Variants in CDH17 observed in about 807,000 individuals in gnomAD.
CDH17 encodes the protein cadherin 17.
A neutral mutation model predicts 86.3 loss-of-function variants in CDH17; 67 were observed. The ratio of observed to expected loss-of-function variants is 0.78; its 90% CI spans 0.64 to 0.95. The LOEUF is 0.95. Among genes scored for constraint, CDH17 ranks in the 40% least tolerant of loss-of-function variants. CDH17 has a pLI of 0.00. For missense variants in CDH17, 993 were observed against 1,017.6 expected (o/e 0.98, Z 0.33); for synonymous variants, 367 against 366.4 (o/e 1.00, Z -0.02).
intron 2 of CDH17, among the ~76,000 whole-genome samples, chr8:94,191,694 T>G (rs1266147510): frequency 2.0e-5 from 3 of 152,112 alleles, no homozygotes; most frequent in South Asian, 4.1e-4. Flanking sequence ...CCTCAGGTGA[T>G]CCACCCGCCT....
chr8:94,174,535 C>A (rs1031175847), intron 5 of CDH17, among the ~76,000 whole-genome samples: 3 of 152,046 alleles, frequency 2.0e-5, no homozygotes, highest in Admixed American at 6.5e-5. Context: ...ATTTAAAGTA[C>A]AAGATAATTT....
intron 1 of CDH17, among the ~76,000 whole-genome samples, chr8:94,215,824 C>T (rs1047375727): frequency 2.7e-5 from 4 of 150,296 alleles, no homozygotes; most frequent in South Asian, 2.1e-4. Context: ...AAATGTCTTA[C>T]GGTTTCCAAA....
At chr8:94,173,526 A>G (rs1250141832) in intron 7 of CDH17, among the ~76,000 whole-genome samples, 1 of 152,200 alleles carries the variant, frequency 6.6e-6, no homozygotes, top group Non-Finnish European at 1.5e-5. Flanking sequence ...ACGATGCACC[A>G]ATTAAACTTT....
intron 15 of CDH17, among the ~76,000 whole-genome samples, chr8:94,139,892 TAA>T (rs1160825593): frequency 1.4e-3 from 150 of 109,986 alleles, no homozygotes; most frequent in Non-Finnish European, 2.2e-3. Flanking sequence ...CTCCAAAAAA[TAA>T]AAAATAAATA....
intron 11 of CDH17, among the ~76,000 whole-genome samples, chr8:94,161,706 T>G (rs1296669917): frequency 1.3e-5 from 2 of 152,220 alleles, no homozygotes; most frequent in African/African-American, 4.8e-5. Context: ...TATTAAATTT[T>G]TGGCTAAAAA....
intron 14 of CDH17, among the ~76,000 whole-genome samples, chr8:94,147,400 C>A (rs1422041999): frequency 6.6e-6 from 1 of 152,178 alleles, no homozygotes; most frequent in African/African-American, 2.4e-5. Flanking sequence ...TTTTCTTAAT[C>A]TTTCCACATG....
At position 94,165,527 on chromosome 8, in the gene CDH17, T is replaced by C. The variant is rs111745810; in HGVS notation, c.1282+234A>G. Among the ~76,000 whole-genome samples the C allele has an allele frequency of 9.5e-3, 1,447 of 152,270 alleles. 10 individuals carry two copies. The highest frequency in any genetic ancestry group is 0.024 in the Middle Eastern group (7 of 294). On this transcript the variant is annotated intron_variant, in intron 10 of 17. Transcript: ENST00000027335. ...AAAATCCTCGTACATTTAATCTCCT[T>C]TTGGCATCTGCTTCCCATAGGACCC...
At chr8:94,215,870 T>G (rs1209716367) in intron 1 of CDH17, among the ~76,000 whole-genome samples, 1 of 152,000 alleles carries the variant, frequency 6.6e-6, no homozygotes, top group African/African-American at 2.4e-5. Context: ...GAGGTTTTTT[T>G]TTTTTTTTTA....
intron 1 of CDH17, among the ~76,000 whole-genome samples, chr8:94,197,794 G>A (rs1813814659): frequency 7.0e-6 from 1 of 143,832 alleles, no homozygotes; most frequent in Non-Finnish European, 1.5e-5. Flanking sequence ...CTGGGCCATT[G>A]TACTCCAGCC....
intron 2 of CDH17, among the ~76,000 whole-genome samples, chr8:94,193,596 T>A (rs1813726422): frequency 6.6e-6 from 1 of 152,158 alleles, no homozygotes; most frequent in South Asian, 2.1e-4. Flanking sequence ...TGAATCCATG[T>A]CTGAATTTGT....
At position 94,173,554 on chromosome 8, in the gene CDH17, C is replaced by A. The variant is rs774203690; in HGVS notation, c.783+243G>T. On this transcript the variant is annotated intron_variant, in intron 7 of 17. Coordinates refer to ENST00000027335, the MANE Select transcript of CDH17 (RefSeq NM_004063.4). ...TAAACTTTTCTTTACAAATTCCCCA[C>A]CTCAGGTATTTCTTTATAGCAATAC... 5.3e-5 allele frequency among the ~76,000 whole-genome samples: 8 copies of A among 152,230 alleles called. No individual in the cohort carries two copies. The East Asian group carries it at 1.5e-3, about 29-fold the overall frequency.
In CDH17 at chr8:94,204,361, T is replaced by C. The variant is rs569799732; in HGVS notation, c.-21+4122A>G. Reference sequence around the variant, plus strand: ...TGTTCCCCTGTGTCATGTGTTCTCATTGTTAACTCCCCCTTATGAGTGAGA... The same window carrying C: ...TGTTCCCCTGTGTCATGTGTTCTCACTGTTAACTCCCCCTTATGAGTGAGA... On this transcript the variant is annotated intron_variant, in intron 1 of 17. Transcript: ENST00000027335. Among the ~76,000 whole-genome samples, 3 of 152,296 alleles carry C rather than the reference T, an allele frequency of 2.0e-5. No individual in the cohort carries two copies. The South Asian group carries it at 6.2e-4, about 32-fold the overall frequency.
chr8:94,165,173 A>T (rs1813128655), intron 10 of CDH17, among the ~76,000 whole-genome samples: 1 of 152,170 alleles, frequency 6.6e-6, no homozygotes, highest in Non-Finnish European at 1.5e-5. Flanking sequence ...TTAATTGACA[A>T]CAGCTCCACT....
chr8:94,204,325 C>T (rs1463138285), intron 1 of CDH17, among the ~76,000 whole-genome samples: 1 of 151,958 alleles, frequency 6.6e-6, no homozygotes, highest in Non-Finnish European at 1.5e-5. Context: ...AGGACAGGCC[C>T]CGATGTGTGA....
At chr8:94,184,582 C>A (rs1813541235) in intron 3 of CDH17, among the ~76,000 whole-genome samples, 2 of 152,052 alleles carry the variant, frequency 1.3e-5, no homozygotes, top group South Asian at 4.2e-4. Flanking sequence ...GGAGTGGAGG[C>A]TGGAGAGTGA....
chr8:94,136,674 TG>T (rs1179656556), intron 15 of CDH17, among the ~76,000 whole-genome samples: 2 of 152,228 alleles, frequency 1.3e-5, no homozygotes. Context: ...CATCCAGCTT[TG>T]TTCCGTTGCT....
chr8:94,174,206 T>C lies in CDH17; in HGVS notation c.479A>G (p.Asn160Ser), dbSNP rs957584958. Residue 160 changes from asparagine to serine, a missense_variant, in exon 6 of 18, where the codon AAT becomes AGT. Transcript: ENST00000027335. Reference sequence around the variant, plus strand: ...GACAATCTGGTAATAAAGCTGGCCATTGGGAGTGGCCGGATCATCCAGGTC... The same window carrying C: ...GACAATCTGGTAATAAAGCTGGCCACTGGGAGTGGCCGGATCATCCAGGTC... ...ATDLDDPATP[N>S]GQLYYQIVIQ... 5.6e-6 allele frequency: 9 copies of C among 1,613,332 alleles called. No individual in the cohort carries two copies. The African/African-American group carries it at 8.0e-5, about 14-fold the overall frequency.
rs1195815038 is a variant in CDH17, at chr8:94,174,136, G to A, written c.549C>T (p.Asn183=). The A allele has an allele frequency of 1.9e-6, 3 of 1,613,656 alleles. No individual in the cohort carries two copies. The highest frequency in any genetic ancestry group is 2.2e-5 in the East Asian group (1 of 44,886). ...TAAGAGAGATGGCTCCCGTTTTGTT[G>A]TTGATCTGAAAGTACATGACATTGT... ...MINNVMYFQI[N]NKTGAISLTR... is the part of the protein sequence containing the mutation. The change falls in exon 6 of 18, where the codon AAC becomes AAT. Residue 183 remains asparagine (N), a synonymous_variant. Coordinates refer to ENST00000027335, the MANE Select transcript of CDH17 (RefSeq NM_004063.4).
intron 15 of CDH17, among the ~76,000 whole-genome samples, chr8:94,139,612 T>C (rs759997431): frequency 4.4e-4 from 67 of 152,254 alleles, no homozygotes; most frequent in Non-Finnish European, 7.9e-4. Context: ...GGAAGAACCA[T>C]AGTGGGCAGG....
Sources: allele counts gnomAD v4.1 joint callset (sites outside exome capture counted in the v4.1 genomes callset), GRCh38; gene constraint gnomAD v4.1.1; transcripts MANE v1.5; gene names NCBI Gene and HGNC (gene_info 2026-07-23, HGNC 2026-07-21).